Variants in ARHGEF1 observed in about 807,000 individuals in gnomAD.
The protein encoded by ARHGEF1 is 115 kDa guanine nucleotide exchange factor.
In ARHGEF1, 40 loss-of-function variants were observed where a neutral mutation model predicts 119.7. The ratio of observed to expected loss-of-function variants is 0.33; its 90% CI spans 0.26 to 0.44. ARHGEF1 has a LOEUF of 0.44. ARHGEF1 is among the 20% of genes least tolerant of loss of function. ARHGEF1 has a pLI of 1.00. For missense variants in ARHGEF1, 976 were observed against 1,268.3 expected, an observed-to-expected ratio of 0.77 and a Z score of 3.50; for synonymous variants, 494 against 521.0, an observed-to-expected ratio of 0.95 and a Z score of 0.71.
chr19:41,905,530 T>C lies in ARHGEF1; in HGVS notation c.2337-230T>C, dbSNP rs981922154. ...ATGCGTGTGACAGCATGTGCATGCATGTGTGTGTGTGTGCGCATGTGCCGA... is the reference window on the plus strand; with the variant it reads ...ATGCGTGTGACAGCATGTGCATGCACGTGTGTGTGTGTGCGCATGTGCCGA... On this transcript the variant is annotated intron_variant, in intron 24 of 28. Coordinates refer to ENST00000354532, the MANE Select transcript of ARHGEF1 (RefSeq NM_004706.4). This position sits in a 1 kb window ranked among gnomAD's most constrained non-coding sequence, Gnocchi z 6.4. 6.4e-5 allele frequency: 38 copies of C among 591,560 alleles called. No homozygotes were observed. Among genetic ancestry groups the C allele is most frequent in the African/African-American group, 5.8e-4 (31 of 53,430 alleles). The allele number at this position is 591,560 out of a possible 1,614,324, so 36.6% of individuals were successfully genotyped here.
Position 41,903,466 on chromosome 19 carries a change from C to G in ARHGEF1, c.1839+59C>G, listed in dbSNP as rs1377550292. Reference sequence around the variant, plus strand: ...GGATGGTGTGAGAGCAGGGGGTGGACCCTACCTCAGCCTGTCCAGAAGTCA... The same window carrying G: ...GGATGGTGTGAGAGCAGGGGGTGGAGCCTACCTCAGCCTGTCCAGAAGTCA... On this transcript the variant is annotated intron_variant, in intron 19 of 28. Transcript: ENST00000354532. The surrounding 1 kb of genome is among the most constrained non-coding windows in gnomAD (Gnocchi z 4.2). 2.0e-6 allele frequency: 3 copies of G among 1,521,060 alleles called. No individual in the cohort carries two copies. Among genetic ancestry groups the G allele is most frequent in the Non-Finnish European group, 2.7e-6 (3 of 1,101,930 alleles). The allele number at this position is 1,521,060 out of a possible 1,614,324, so 94.2% of individuals were successfully genotyped here.
intron 14 of ARHGEF1, among the ~76,000 whole-genome samples, 183 bp downstream of exon 14, chr19:41,898,770 T>C (rs1335742291): frequency 1.3e-5 from 2 of 152,260 alleles, no homozygotes; most frequent in Non-Finnish European, 2.9e-5. Flanking sequence ...TTTGATGGAA[T>C]GTGAATGCCA....
exon 1 of ARHGEF1, chr19:41,923,126 C>A (rs192307989): frequency 2.2e-6 from 1 of 456,282 alleles, no homozygotes; most frequent in African/African-American, 2.0e-5. Flanking sequence ...GAGGTAGGAA[C>A]TGCCATGATG....
Position 41,892,945 on chromosome 19 carries a change from C to T in ARHGEF1, c.614+96C>T. On this transcript the variant is annotated intron_variant, in intron 7 of 28. Coordinates refer to ENST00000354532, the MANE Select transcript of ARHGEF1 (RefSeq NM_004706.4). This position sits in a 1 kb window ranked among gnomAD's most constrained non-coding sequence, Gnocchi z 6.3. Reference sequence around the variant, plus strand: ...GTTCCATCCCGTTTGCAGGTTCCCTCTTCAGGGTCAGAGTTCATTTCTTGG... The same window carrying T: ...GTTCCATCCCGTTTGCAGGTTCCCTTTTCAGGGTCAGAGTTCATTTCTTGG... The T allele has an allele frequency of 1.4e-6, 2 of 1,419,618 alleles. No individual in the cohort carries two copies. Among genetic ancestry groups the T allele is most frequent in the South Asian group, 1.5e-5 (1 of 66,518 alleles). 87.9% of individuals were successfully genotyped at this position (1,419,618 alleles called of 1,614,324 possible).
chr19:41,921,351 G>A (rs570835761), upstream of ARHGEF1, among the ~76,000 whole-genome samples: 169 of 152,278 alleles, frequency 1.1e-3, no homozygotes, highest in Non-Finnish European at 1.9e-3. This position sits in a 1 kb window ranked among gnomAD's most constrained non-coding sequence, Gnocchi z 4.4. Context: ...AGTGAGACAC[G>A]GAGGGAGATG....
chr19:41,919,362 C>T (rs542248273), upstream of ARHGEF1, among the ~76,000 whole-genome samples: 1 of 152,282 alleles, frequency 6.6e-6, no homozygotes, highest in African/African-American at 2.4e-5. Flanking sequence ...AAACATGCAA[C>T]CACACAAACA....
intron 1 of ARHGEF1, among the ~76,000 whole-genome samples, chr19:41,884,890 G>C (rs1223861530): frequency 2.0e-5 from 3 of 152,108 alleles, no homozygotes; most frequent in African/African-American, 7.2e-5. Context: ...ATGATCCCTG[G>C]ATCCTTTAGA....
intron 18 of ARHGEF1, among the ~76,000 whole-genome samples, chr19:41,913,974 C>A (rs1555851518): frequency 6.6e-6 from 1 of 151,222 alleles, no homozygotes; most frequent in Non-Finnish European, 1.5e-5. Flanking sequence ...CAAAAACCCA[C>A]TCCTCTTAGA....
At position 41,893,314 on chromosome 19, in the gene ARHGEF1, CA is replaced by C. The variant is rs2074408583; in HGVS notation, c.644+12del. The C allele has an allele frequency of 6.3e-7, 1 of 1,599,834 alleles. No individual in the cohort carries two copies. On this transcript the variant is annotated intron_variant, in intron 8 of 28. Coordinates refer to ENST00000354532, the MANE Select transcript of ARHGEF1 (RefSeq NM_004706.4). ...CGACGAAGAAAAGAGGTGAGGGGGG[CA>C]GGGGAGGCGTGCGGCCTCCTGGGTT...
chr19:41,925,988 G>A (rs1395524302), intron 1 of ARHGEF1, among the ~76,000 whole-genome samples: 4 of 152,068 alleles, frequency 2.6e-5, no homozygotes, highest in Non-Finnish European at 4.4e-5. Flanking sequence ...GTGTGTGTGA[G>A]TGTGTGCATG....
At position 41,904,352 on chromosome 19, in the gene ARHGEF1, C is replaced by G; in HGVS notation, c.2130C>G (p.Leu710=). 1.3e-6 allele frequency: 2 copies of G among 1,592,852 alleles called. No individual in the cohort carries two copies. The highest frequency in any genetic ancestry group is 1.7e-6 in the Non-Finnish European group (2 of 1,172,520). Residue 710 remains leucine (L), a synonymous_variant, in exon 22 of 29, where the codon CTC becomes CTG. Transcript: ENST00000354532. This position sits in a 1 kb window ranked among gnomAD's most constrained non-coding sequence, Gnocchi z 8.4. The part of the protein sequence containing the change: ...GKTMLRPVLR[L]TSAMTREVAT... ...CCATGCTGCGGCCCGTGCTGCGGCTCACCTCCGCCATGACCCGCGAGGTGG... is the reference window on the plus strand; with the variant it reads ...CCATGCTGCGGCCCGTGCTGCGGCTGACCTCCGCCATGACCCGCGAGGTGG...
intron 7 of ARHGEF1, 93 bp from the exon 8 acceptor site, chr19:41,893,181 C>A: frequency 6.5e-7 from 1 of 1,539,626 alleles, no homozygotes; most frequent in Non-Finnish European, 8.9e-7. Flanking sequence ...TTCCCCCTGC[C>A]TATCCCAGGA....
At position 41,883,814 on chromosome 19, in the gene ARHGEF1, C is replaced by T. The variant is rs1457089174; in HGVS notation, c.-20+525C>T. Among the ~76,000 whole-genome samples the T allele has an allele frequency of 6.6e-6, 1 of 152,214 alleles. No individual in the cohort carries two copies. The highest frequency in any genetic ancestry group is 2.4e-5 in the African/African-American group (1 of 41,452). On this transcript the variant is annotated intron_variant, in intron 1 of 28. Coordinates refer to ENST00000354532, the MANE Select transcript of ARHGEF1 (RefSeq NM_004706.4). This position sits in a 1 kb window ranked among gnomAD's most constrained non-coding sequence, Gnocchi z 7.6. ...GAAAGAGTTTTCGGAAAGCTCTTTT[C>T]TAGGTCATTAATTATACCGTGAGAG...
chr19:41,898,140 T>C, intron 13 of ARHGEF1: 2 of 1,397,944 alleles, frequency 1.4e-6, no homozygotes, highest in Non-Finnish European at 1.8e-6. Flanking sequence ...CCTTCCCCCA[T>C]CCACTAAGGC....
rs2074664437 is a variant in ARHGEF1 at position 41,904,833 on chromosome 19, G to A, written c.2162-116G>A. The A allele has an allele frequency of 3.6e-6, 3 of 826,778 alleles. No individual in the cohort carries two copies. Among genetic ancestry groups the A allele is most frequent in the Non-Finnish European group, 6.1e-6 (3 of 492,690 alleles). 51.2% of individuals were successfully genotyped at this position (826,778 alleles called of 1,614,324 possible). ...TAGCAGACAGTGAGTGGTGAGTTGA[G>A]CCATGGGAGCCCTGAGAGCGCCACC... On this transcript the variant is annotated intron_variant, in intron 22 of 28. Transcript: ENST00000354532. The surrounding 1 kb of genome is among the most constrained non-coding windows in gnomAD (Gnocchi z 8.4).
In ARHGEF1 at chr19:41,917,570, T is replaced by G. The variant is rs1410320819; in HGVS notation, c.1866-5522T>G. Among the ~76,000 whole-genome samples, 4 of 151,200 alleles carry G rather than the reference T, an allele frequency of 2.6e-5. No homozygotes were observed. Among genetic ancestry groups the G allele is most frequent in the Non-Finnish European group, 5.9e-5 (4 of 67,836 alleles). On this transcript the variant is annotated intron_variant, in intron 18 of 20. Coordinates refer to the ARHGEF1 transcript ENST00000599589. This position sits in a 1 kb window ranked among gnomAD's most constrained non-coding sequence, Gnocchi z 4.8. ...TTCATATCTTCTCCGGGGCTCTGTCTAAAGAGGAGAGAGACGCGGCCTAAG... is the reference window on the plus strand; with the variant it reads ...TTCATATCTTCTCCGGGGCTCTGTCGAAAGAGGAGAGAGACGCGGCCTAAG...
chr19:41,898,140 TCCAC>T, intron 13 of ARHGEF1: 23 of 1,397,864 alleles, frequency 1.6e-5, no homozygotes, highest in Admixed American at 6.7e-5. Context: ...CCTTCCCCCA[TCCAC>T]TAAGGCAGCC....
chr19:41,908,997 T>G (rs891172), downstream of ARHGEF1: 53,805 of 1,019,350 alleles, frequency 0.053, 12,314 homozygotes, highest in African/African-American at 0.61. The surrounding 1 kb of genome is among the most constrained non-coding windows in gnomAD (Gnocchi z 6.7). Flanking sequence ...TCTCATCCTC[T>G]TCCCTCAAGC....
At position 41,912,841 on chromosome 19, in the gene ARHGEF1, C is replaced by T. The variant is rs1179716351; in HGVS notation, c.1865+6038C>T. The T allele has an allele frequency of 6.9e-5, 81 of 1,171,682 alleles. No individual in the cohort carries two copies. In the Admixed American group the frequency reaches 1.3e-3, roughly 19 times the overall value. The allele number at this position is 1,171,682 out of a possible 1,614,324, so 72.6% of individuals were successfully genotyped here. A position where few individuals can be genotyped will look rare whatever the true frequency, so the allele number is the denominator to read the frequency against. On this transcript the variant is annotated intron_variant, in intron 18 of 20. Coordinates refer to the ARHGEF1 transcript ENST00000599589. ...GGTGGGGGAAGGGGTGGGGGAGGTC[C>T]GGGCCAGTTACCGGGGGTCCAGAGA... is the stretch of plus-strand genomic sequence containing the variant.
Sources: allele counts gnomAD v4.1 joint callset (sites outside exome capture counted in the v4.1 genomes callset), GRCh38; gene constraint gnomAD v4.1.1; non-coding constraint Gnocchi (gnomAD v3.1); transcripts MANE v1.5; gene names NCBI Gene and HGNC (gene_info 2026-07-23, HGNC 2026-07-21).